Variants in CMTR1 observed in about 807,000 individuals in gnomAD.
CMTR1 encodes the protein cap methyltransferase 1.
A neutral mutation model predicts 107.0 loss-of-function variants in CMTR1; 39 were observed. The observed-to-expected ratio is 0.36, with a 90% CI of 0.28 to 0.48. The LOEUF is 0.48. Ranked by LOEUF, CMTR1 falls within the 20% of genes least tolerant of loss-of-function variation. The pLI, the probability that CMTR1 is intolerant of heterozygous loss-of-function variation, is 0.99. For synonymous variants in CMTR1, 366 were observed against 379.5 expected (o/e 0.96, Z 0.41); for missense variants, 672 against 1,064.9 (o/e 0.63, Z 5.14).
chr6:37,479,050 C>A, intron 22 of CMTR1, 97 bp from the exon 23 acceptor site: 1 of 791,882 alleles, frequency 1.3e-6, no homozygotes, highest in South Asian at 1.6e-5. Context: ...TGGTGGGAGG[C>A]AGGAATAGGA....
Position 37,444,110 on chromosome 6 carries a change from C to G in CMTR1, c.245C>G (p.Ser82Cys). ...KADSLVEGTS[S>C]RYSMYNSVSQ... ...GACTCTCTTGTGGAAGGAACTTCTT[C>G]TCGCTATTCCATGTATAATAGCGTC... Residue 82 changes from serine (S) to cysteine (C), a missense_variant, in exon 3 of 24, where the codon TCT becomes TGT. Physicochemically the swap from Ser to Cys is moderately radical, Grantham distance 112. Coordinates refer to ENST00000373451, the MANE Select transcript of CMTR1 (RefSeq NM_015050.3). 1.2e-6 allele frequency: 2 copies of G among 1,614,204 alleles called. No homozygotes were observed. Among genetic ancestry groups the G allele is most frequent in the Non-Finnish European group, 1.7e-6 (2 of 1,180,040 alleles).
At position 37,472,964 on chromosome 6, in the gene CMTR1, C is replaced by G. The variant is rs912808168; in HGVS notation, c.1689+477C>G. On this transcript the variant is annotated intron_variant, in intron 16 of 23. Transcript: ENST00000373451. The surrounding 1 kb of genome is among the most constrained non-coding windows in gnomAD (Gnocchi z 4.1). ...TGCCCTGTTTCTTCTACCACTCAAC[C>G]TCCAGCTTTTACTTGGGCCTCATTT... Among the ~76,000 whole-genome samples the G allele has an allele frequency of 8.5e-5, 13 of 152,214 alleles. No individual in the cohort carries two copies. The highest frequency in any genetic ancestry group is 3.1e-4 in the African/African-American group (13 of 41,452).
At chr6:37,456,567 T>C (rs1432949607) in intron 8 of CMTR1, among the ~76,000 whole-genome samples, 1 of 152,210 alleles carries the variant, frequency 6.6e-6, no homozygotes, top group African/African-American at 2.4e-5. Context: ...TCTATTTCTT[T>C]CTTGGGACTG....
intron 13 of CMTR1, among the ~76,000 whole-genome samples, chr6:37,469,782 C>T (rs987775452): frequency 1.3e-5 from 2 of 152,018 alleles, no homozygotes; most frequent in East Asian, 1.9e-4. Context: ...CCAACCTTAA[C>T]TTTCCAAAGT....
intron 13 of CMTR1, among the ~76,000 whole-genome samples, chr6:37,468,864 G>A (rs1761563883): frequency 6.6e-6 from 1 of 151,526 alleles, no homozygotes; most frequent in Admixed American, 6.6e-5. Flanking sequence ...GCCTAGGTGA[G>A]AGAGTAAGAC....
At chr6:37,473,420 A>G (rs1229350830) in intron 16 of CMTR1, 50 bp from the exon 17 acceptor site, 1 of 1,589,800 alleles carries the variant, frequency 6.3e-7, no homozygotes, top group South Asian at 1.2e-5. Flanking sequence ...AGGCACCCAT[A>G]CTGTCCCTTC....
chr6:37,466,676 G>C (rs1761518202), intron 13 of CMTR1, among the ~76,000 whole-genome samples: 1 of 152,058 alleles, frequency 6.6e-6, no homozygotes, highest in Admixed American at 6.6e-5. Context: ...TATGCCAGTA[G>C]TAGACAGTTT....
rs1347581519 is a variant in CMTR1 at position 37,450,210 on chromosome 6, G to C, written c.445-41G>C. The C allele has an allele frequency of 2.0e-6, 3 of 1,517,900 alleles. No homozygotes were observed. The East Asian group carries it at 6.8e-5, about 34-fold the overall frequency. The allele number at this position is 1,517,900 out of a possible 1,614,324, so 94.0% of individuals were successfully genotyped here. On this transcript the variant is annotated intron_variant, in intron 4 of 23. Coordinates refer to ENST00000373451, the MANE Select transcript of CMTR1 (RefSeq NM_015050.3). ...GATGAGTTGGGGTTTAGCTTTGAGG[G>C]TGTGTCATATCTGTCTTACTAGCCT...
rs1353163990 is a variant in CMTR1 at position 37,479,301 on chromosome 6, A to G, written c.2375+46A>G. On this transcript the variant is annotated intron_variant, in intron 23 of 23. Transcript: ENST00000373451. ...CCTGCCCTCCTTAGCAGCCTCAAGT[A>G]CTCCTGCAGGATGCCAGCCAGCTGT... 3.1e-6 allele frequency: 4 copies of G among 1,284,042 alleles called. No homozygotes were observed. In the African/African-American group the frequency reaches 5.9e-5, roughly 19 times the overall value. 79.5% of individuals were successfully genotyped at this position (1,284,042 alleles called of 1,614,324 possible).
At chr6:37,424,274 C>G in the CMTR1 span, among the ~76,000 whole-genome samples, 100,172 of 150,528 alleles carry the variant, frequency 0.67, 34,407 homozygotes, top group African/African-American at 0.82. Context: ...ATGGAGTCTC[C>G]CTTTGTCGCC....
At chr6:37,436,477 A>T (rs535487382) in intron 2 of CMTR1, 3 of 152,284 alleles carry the variant, frequency 2.0e-5, no homozygotes, top group Non-Finnish European at 4.4e-5. Context: ...AACAACAGAC[A>T]TTTATTCTCT....
At chr6:37,461,813 C>A in intron 11 of CMTR1, 157 bp from the exon 12 acceptor site, 1 of 902,360 alleles carries the variant, frequency 1.1e-6, no homozygotes, top group South Asian at 1.6e-5. Context: ...TCCTCAAAGT[C>A]CCCTCCAAAG....
chr6:37,455,437 G>A (rs981637659), intron 8 of CMTR1, among the ~76,000 whole-genome samples: 1 of 152,154 alleles, frequency 6.6e-6, no homozygotes, highest in African/African-American at 2.4e-5. Flanking sequence ...GGAGAAAGGG[G>A]GCAAGGGGAG....
intron 8 of CMTR1, among the ~76,000 whole-genome samples, chr6:37,454,489 TC>T (rs1455598298): frequency 1.3e-5 from 2 of 152,238 alleles, no homozygotes; most frequent in Non-Finnish European, 2.9e-5. Flanking sequence ...CCAAATGATT[TC>T]CTTTAAACCC....
At position 37,472,111 on chromosome 6, in the gene CMTR1, G is replaced by A. The variant is rs1308963435; in HGVS notation, c.1620+207G>A. Among the ~76,000 whole-genome samples the A allele has an allele frequency of 6.6e-6, 1 of 152,212 alleles. No individual in the cohort carries two copies. Among genetic ancestry groups the A allele is most frequent in the East Asian group, 1.9e-4 (1 of 5,194 alleles). On this transcript the variant is annotated intron_variant, in intron 15 of 23. Transcript: ENST00000373451. This position sits in a 1 kb window ranked among gnomAD's most constrained non-coding sequence, Gnocchi z 4.1. ...CTGGTTTGGCCCTGCAGCTGGGTCA[G>A]AAAGGACTAAGGGGTGGGGTGTGGG...
the CMTR1 span, among the ~76,000 whole-genome samples, chr6:37,426,564 C>T: frequency 1.3e-5 from 2 of 151,498 alleles, no homozygotes; most frequent in Admixed American, 1.3e-4. Flanking sequence ...GATGCAGTCT[C>T]ACTCTGTCAC....
At chr6:37,433,518 C>G (rs1562113405) in intron 1 of CMTR1, 141 bp downstream of exon 1, 1 of 152,902 alleles carries the variant, frequency 6.5e-6, no homozygotes. Flanking sequence ...CTTCCCTCCT[C>G]CTCCCACCCC....
At chr6:37,477,718 ATAAGATGGGTCGGGG>A in intron 21 of CMTR1, 79 bp downstream of exon 21, 1 of 433,838 alleles carries the variant, frequency 2.3e-6, no homozygotes, top group Non-Finnish European at 4.6e-6. Context: ...CCTCCGTTTC[ATAAGATGGGTCGGGG>A]GCGGGGGGTG....
chr6:37,439,044 C>T (rs1017513708), intron 2 of CMTR1, among the ~76,000 whole-genome samples: 1 of 152,160 alleles, frequency 6.6e-6, no homozygotes, highest in Non-Finnish European at 1.5e-5. Flanking sequence ...TTTTCCTCCT[C>T]TGCTAAATCA....
Sources: allele counts gnomAD v4.1 joint callset (sites outside exome capture counted in the v4.1 genomes callset), GRCh38; gene constraint gnomAD v4.1.1; non-coding constraint Gnocchi (gnomAD v3.1); transcripts MANE v1.5; gene names NCBI Gene and HGNC (gene_info 2026-07-23, HGNC 2026-07-21).